SLC2A9: variants seen among roughly 807,000 people sequenced by gnomAD.
SLC2A9 encodes solute carrier family 2, facilitated glucose transporter member 9.
In SLC2A9, 39 loss-of-function variants were observed where a neutral mutation model predicts 50.6. That is an observed-to-expected ratio of 0.77 (90% CI 0.60 to 1.01). The LOEUF is 1.01. SLC2A9 is among the 50% of genes least tolerant of loss of function. The probability of loss-of-function intolerance (pLI) is 0.00; values close to 1 mark genes in which losing one functional copy is unlikely to be tolerated. For synonymous variants in SLC2A9, 324 were observed against 276.9 expected (o/e 1.17, Z -1.69); for missense variants, 686 against 677.6 (o/e 1.01, Z -0.14).
At chr4:10,027,886 C>T (rs1249401220) in intron 1 of SLC2A9, among the ~76,000 whole-genome samples, 1 of 152,088 alleles carries the variant, frequency 6.6e-6, no homozygotes, top group Non-Finnish European at 1.5e-5. Flanking sequence ...TTGAAATGTG[C>T]GGTTGATTAA....
chr4:9,980,563 G>A (rs1236605055), intron 5 of SLC2A9, 29 bp downstream of exon 5: 1 of 1,613,716 alleles, frequency 6.2e-7, no homozygotes, highest in East Asian at 2.2e-5. Context: ...GATGAGAGCA[G>A]ATGCGGTTGA....
chr4:9,834,005 C>T (rs779748649), intron 11 of SLC2A9, among the ~76,000 whole-genome samples: 1 of 152,192 alleles, frequency 6.6e-6, no homozygotes, highest in East Asian at 1.9e-4. Flanking sequence ...GATCCTCTCT[C>T]TCACCCATCT....
chr4:9,781,925 C>G, intron 3 of SLC2A9: 1 of 1,043,866 alleles, frequency 9.6e-7, no homozygotes, highest in Non-Finnish European at 1.3e-6. Context: ...CTCGAGGGTC[C>G]CTTGGCTGAG....
chr4:9,983,186 C>G (rs1756172317), intron 4 of SLC2A9, among the ~76,000 whole-genome samples: 2 of 152,136 alleles, frequency 1.3e-5, no homozygotes, highest in Admixed American at 1.3e-4. Flanking sequence ...TTTCACATCA[C>G]CCAACAAGGG....
At chr4:9,991,303 G>A (rs1757674899) in intron 3 of SLC2A9, among the ~76,000 whole-genome samples, 1 of 152,192 alleles carries the variant, frequency 6.6e-6, no homozygotes, top group African/African-American at 2.4e-5. Context: ...TTGACTTTCT[G>A]AGACAATTCC....
chr4:10,017,313 C>G lies in SLC2A9; in HGVS notation c.249+1662G>C, dbSNP rs140873488. Among the ~76,000 whole-genome samples, 189 of 152,316 alleles carry G rather than the reference C, an allele frequency of 1.2e-3. 2 individuals carry two copies. Among genetic ancestry groups the G allele is most frequent in the Admixed American group, 2.8e-3 (43 of 15,300 alleles). On this transcript the variant is annotated intron_variant, in intron 2 of 11. Transcript: ENST00000264784. ...TGCAAAGGTTCTCCCCCACCTCTCACCTGGATGTTTTGATGAACTTTCAAG... is the reference window on the plus strand; with the variant it reads ...TGCAAAGGTTCTCCCCCACCTCTCAGCTGGATGTTTTGATGAACTTTCAAG...
intron 2 of SLC2A9, among the ~76,000 whole-genome samples, chr4:10,016,478 C>T (rs1762629203): frequency 6.6e-6 from 1 of 152,128 alleles, no homozygotes; most frequent in African/African-American, 2.4e-5. Flanking sequence ...GGGCTTTTTC[C>T]ATCTGTGCTC....
chr4:9,974,743 GA>G (rs945182044), intron 5 of SLC2A9, among the ~76,000 whole-genome samples: 7 of 151,154 alleles, frequency 4.6e-5, no homozygotes, highest in South Asian at 4.2e-4. Flanking sequence ...CACCAAACTA[GA>G]AAAAAAAATT....
chr4:9,790,077 A>G (rs1232063842), intron 3 of SLC2A9, among the ~76,000 whole-genome samples: 1 of 152,232 alleles, frequency 6.6e-6, no homozygotes, highest in Non-Finnish European at 1.5e-5. Context: ...GAGAGGTTCA[A>G]TAGCAAGCCA....
At chr4:9,925,199 C>A (rs2110117173) in intron 6 of SLC2A9, among the ~76,000 whole-genome samples, 1 of 152,312 alleles carries the variant, frequency 6.6e-6, no homozygotes, top group Admixed American at 6.5e-5. Context: ...GAACACCCTG[C>A]CACTTTGTTG....
intron 8 of SLC2A9, among the ~76,000 whole-genome samples, chr4:9,906,575 G>A (rs1367389384): frequency 1.3e-5 from 2 of 152,220 alleles, no homozygotes; most frequent in Admixed American, 1.3e-4. Context: ...TGCATAGAAA[G>A]ACAAGGGAAG....
At chr4:9,860,864 G>A (rs550562092) in intron 10 of SLC2A9, among the ~76,000 whole-genome samples, 3 of 152,322 alleles carry the variant, frequency 2.0e-5, no homozygotes, top group East Asian at 1.9e-4. Flanking sequence ...AATGACACAC[G>A]GGGCCTTTGT....
chr4:9,879,019 T>C, intron 10 of SLC2A9: 1 of 984,364 alleles, frequency 1.0e-6, no homozygotes, highest in Non-Finnish European at 1.2e-6. Flanking sequence ...TTTGAATGAA[T>C]TCATGAAAAA....
intron 2 of SLC2A9, among the ~76,000 whole-genome samples, chr4:10,003,146 C>T (rs1760145522): frequency 6.6e-6 from 1 of 152,142 alleles, no homozygotes; most frequent in South Asian, 2.1e-4. Flanking sequence ...ACCTGATAAA[C>T]AGGAGACCTC....
chr4:9,896,611 C>T (rs2109850599), intron 8 of SLC2A9, among the ~76,000 whole-genome samples: 1 of 152,308 alleles, frequency 6.6e-6, no homozygotes, highest in African/African-American at 2.4e-5. Flanking sequence ...TTGATGAAAT[C>T]CAATGTATCA....
chr4:9,987,605 C>A (rs529183376), intron 3 of SLC2A9, among the ~76,000 whole-genome samples: 2 of 152,116 alleles, frequency 1.3e-5, no homozygotes, highest in Non-Finnish European at 2.9e-5. Flanking sequence ...TTAGAACTTG[C>A]GCTCTTCCCA....
intron 1 of SLC2A9, among the ~76,000 whole-genome samples, chr4:10,039,569 C>T (rs574160754): frequency 1.3e-5 from 2 of 152,208 alleles, no homozygotes; most frequent in South Asian, 2.1e-4. Flanking sequence ...TCATCCTCCT[C>T]GCTGCCTTCC....
intron 6 of SLC2A9, among the ~76,000 whole-genome samples, chr4:9,926,742 A>G (rs1008164665): frequency 2.6e-5 from 4 of 152,170 alleles, no homozygotes; most frequent in Non-Finnish European, 4.4e-5. Context: ...GACCTTTGTC[A>G]ATATAATTAA....
chr4:9,999,460 C>T (rs1578262349), intron 2 of SLC2A9, among the ~76,000 whole-genome samples: 1 of 152,076 alleles, frequency 6.6e-6, no homozygotes. Context: ...ATGCATAATA[C>T]ATGCTGCCAT....
Sources: allele counts gnomAD v4.1 joint callset (sites outside exome capture counted in the v4.1 genomes callset), GRCh38; gene constraint gnomAD v4.1.1; transcripts MANE v1.5; gene names NCBI Gene and HGNC (gene_info 2026-07-23, HGNC 2026-07-21).